The following PTPRD variants were observed in gnomAD, a reference collection of about 807,000 sequenced individuals.
PTPRD encodes the protein protein tyrosine phosphatase receptor type D, also known as receptor-type tyrosine-protein phosphatase delta.
A neutral mutation model predicts 214.5 loss-of-function variants in PTPRD; 34 were observed. The observed-to-expected ratio is 0.16, with a 90% confidence interval of 0.12 to 0.21. The LOEUF is 0.21. Among genes scored for constraint, PTPRD ranks in the 10% least tolerant of loss-of-function variants. The pLI, the probability that PTPRD is intolerant of heterozygous loss-of-function variation, is 1.00. For missense variants in PTPRD, 2,545 were observed against 2,398.7 expected (o/e 1.06, Z -1.27); for synonymous variants, 1,128 against 845.7 (o/e 1.33, Z -5.79).
At chr9:9,118,753 C>A (rs1298952766) in intron 10 of PTPRD, among the ~76,000 whole-genome samples, 1 of 152,114 alleles carries the variant, frequency 6.6e-6, no homozygotes, top group East Asian at 1.9e-4. Context: ...GCTCAATATA[C>A]CCTGCCCTTT....
At chr9:10,465,078 T>G (rs967998347) in intron 2 of PTPRD, among the ~76,000 whole-genome samples, 9 of 152,120 alleles carry the variant, frequency 5.9e-5, no homozygotes, top group Non-Finnish European at 1.0e-4. Context: ...GTGAATAGTG[T>G]TATTTATAGA....
chr9:8,980,620 G>A (rs751638149), intron 11 of PTPRD, among the ~76,000 whole-genome samples: 1 of 152,078 alleles, frequency 6.6e-6, no homozygotes, highest in Non-Finnish European at 1.5e-5. Flanking sequence ...GACAAACTGA[G>A]AGTTACATTT....
chr9:9,738,850 C>G (rs2098348783), intron 6 of PTPRD, among the ~76,000 whole-genome samples: 1 of 152,020 alleles, frequency 6.6e-6, no homozygotes, highest in Non-Finnish European at 1.5e-5. Flanking sequence ...TTTGTGTTGT[C>G]TTTCACTCTA....
chr9:10,071,515 A>G (rs2154179782), intron 3 of PTPRD, among the ~76,000 whole-genome samples: 1 of 152,234 alleles, frequency 6.6e-6, no homozygotes, highest in Non-Finnish European at 1.5e-5. Flanking sequence ...AAGCCACTTC[A>G]GTGGAGAAAA....
chr9:9,289,984 T>G (rs536740792), intron 9 of PTPRD, among the ~76,000 whole-genome samples: 46 of 151,864 alleles, frequency 3.0e-4, no homozygotes, highest in African/African-American at 9.9e-4. Flanking sequence ...AGAAATTAGG[T>G]TGTTGAATCA....
intron 11 of PTPRD, among the ~76,000 whole-genome samples, chr9:9,008,801 A>G (rs1237783837): frequency 6.6e-6 from 1 of 152,118 alleles, no homozygotes; most frequent in Non-Finnish European, 1.5e-5. Context: ...CTGTTACTAT[A>G]ACTATTTTTG....
chr9:9,076,554 C>T (rs324487), intron 10 of PTPRD, among the ~76,000 whole-genome samples: 109,672 of 151,978 alleles, frequency 0.72, 39,821 homozygotes, highest in Non-Finnish European at 0.76. Context: ...ATATAATGTT[C>T]GTCTTTCTGT....
At chr9:9,332,387 T>C (rs1161554050) in intron 9 of PTPRD, among the ~76,000 whole-genome samples, 2 of 152,032 alleles carry the variant, frequency 1.3e-5, no homozygotes, top group Admixed American at 1.3e-4. Flanking sequence ...TACCTCATAG[T>C]ATATTCCATT....
chr9:9,185,080 T>C (rs2099930510), intron 9 of PTPRD, among the ~76,000 whole-genome samples: 1 of 152,060 alleles, frequency 6.6e-6, no homozygotes, highest in African/African-American at 2.4e-5. Context: ...TAGTCAGAAG[T>C]AATGGGCTTG....
intron 5 of PTPRD, among the ~76,000 whole-genome samples, chr9:9,902,321 G>A (rs1350244959): frequency 6.6e-6 from 1 of 151,906 alleles, no homozygotes; most frequent in African/African-American, 2.4e-5. Context: ...TTGCAACATC[G>A]TGTAAACCAA....
At chr9:8,341,362 T>A in intron 40 of PTPRD, 94 bp from the exon 41 acceptor site, 1 of 1,329,010 alleles carries the variant, frequency 7.5e-7, no homozygotes, top group Middle Eastern at 2.0e-4. Context: ...CCCTTTTAGA[T>A]ATAAATCTTT....
At position 10,409,551 on chromosome 9, in the gene PTPRD, C is replaced by T. The variant is rs150907811; in HGVS notation, c.-599-68534G>A. ...TTACTCACTTTTAAAAATTTATCTC[C>T]TACCTTTCTAGGACATTTATATGGA... is the stretch of plus-strand genomic sequence containing the variant. On this transcript the variant is annotated intron_variant, in intron 2 of 45. Transcript: ENST00000381196. Among the ~76,000 whole-genome samples the T allele has an allele frequency of 2.1e-3, 326 of 151,808 alleles. 1 individual carries two copies. The highest frequency in any genetic ancestry group is 7.7e-3 in the African/African-American group (318 of 41,474).
rs2095393210 is a variant in PTPRD at position 8,437,323 on chromosome 9, T to G, written c.3989-634A>C. On this transcript the variant is annotated intron_variant, in intron 34 of 45. Coordinates refer to ENST00000381196, the MANE Select transcript of PTPRD (RefSeq NM_002839.4). ...TGAAATGGAAAGCCTGATATATTTT[T>G]TAAAAGGACTAATTAAAATGCTGCA... 14 of 1,108,206 alleles carry G rather than the reference T, an allele frequency of 1.3e-5. No homozygotes were observed. In the South Asian group the frequency reaches 2.2e-4, roughly 17 times the overall value. 68.6% of individuals were successfully genotyped at this position (1,108,206 alleles called of 1,614,324 possible). A position where few individuals can be genotyped will look rare whatever the true frequency, so the allele number is the denominator to read the frequency against.
intron 8 of PTPRD, among the ~76,000 whole-genome samples, chr9:9,555,325 T>C (rs1263598404): frequency 1.3e-5 from 2 of 152,082 alleles, no homozygotes; most frequent in Non-Finnish European, 1.5e-5. Context: ...CCCATAATTA[T>C]TGACCAGTCA....
At position 8,414,384 on chromosome 9, in the gene PTPRD, C is replaced by T. The variant is rs546533370; in HGVS notation, c.4087-9724G>A. Among the ~76,000 whole-genome samples the T allele has an allele frequency of 3.5e-4, 53 of 152,290 alleles. No homozygotes were observed. The South Asian group carries it at 9.3e-3, about 27-fold the overall frequency. On this transcript the variant is annotated intron_variant, in intron 35 of 45. Coordinates refer to ENST00000381196, the MANE Select transcript of PTPRD (RefSeq NM_002839.4). Reference sequence around the variant, plus strand: ...AATATTTGGAAGTAACACATAATGGCTACTTGCCAATGACAGTTCTGTATA... The same window carrying T: ...AATATTTGGAAGTAACACATAATGGTTACTTGCCAATGACAGTTCTGTATA...
At chr9:9,374,286 T>C (rs1307378054) in intron 9 of PTPRD, among the ~76,000 whole-genome samples, 1 of 152,116 alleles carries the variant, frequency 6.6e-6, no homozygotes, top group East Asian at 1.9e-4. Flanking sequence ...TCTATATTAG[T>C]TCTATTTAAA....
At chr9:9,787,378 C>G (rs1389285709) in intron 5 of PTPRD, among the ~76,000 whole-genome samples, 1 of 112,042 alleles carries the variant, frequency 8.9e-6, no homozygotes, top group East Asian at 2.7e-4. Flanking sequence ...AACGCATTGA[C>G]AAATATGTAT....
intron 39 of PTPRD, among the ~76,000 whole-genome samples, chr9:8,360,844 C>G (rs539649316): frequency 4.6e-5 from 7 of 152,238 alleles, no homozygotes; most frequent in African/African-American, 1.7e-4. Context: ...TGAAGGCTCA[C>G]AATGCATTAG....
intron 8 of PTPRD, among the ~76,000 whole-genome samples, chr9:9,523,844 T>G (rs941311440): frequency 2.6e-5 from 4 of 152,204 alleles, no homozygotes; most frequent in Non-Finnish European, 4.4e-5. Context: ...TGGCATTAGC[T>G]ACTTTTGCCG....
Sources: allele counts gnomAD v4.1 joint callset (sites outside exome capture counted in the v4.1 genomes callset), GRCh38; gene constraint gnomAD v4.1.1; transcripts MANE v1.5; gene names NCBI Gene and HGNC (gene_info 2026-07-23, HGNC 2026-07-21).